The following ZFPM2 variants were observed in gnomAD, a reference collection of about 807,000 sequenced individuals.
The protein encoded by ZFPM2 is zinc finger protein, FOG family member 2, also known as zinc finger protein ZFPM2.
ZFPM2 carries 20 observed loss-of-function variants against 98.6 expected under a neutral mutation model. That is an observed-to-expected ratio of 0.20 (90% CI 0.14 to 0.29). ZFPM2 has a LOEUF of 0.29. ZFPM2 is among the 10% of genes least tolerant of loss of function. The pLI is 1.00. For missense variants in ZFPM2, 1,310 were observed against 1,388.6 expected (o/e 0.94, Z 0.90); for synonymous variants, 518 against 502.7 (o/e 1.03, Z -0.41).
chr8:105,561,328 A>T, intron 3 of ZFPM2, 35 bp from the exon 4 acceptor site: 1 of 1,533,024 alleles, frequency 6.5e-7, no homozygotes, highest in Non-Finnish European at 9.0e-7. Flanking sequence ...AAGTACAAGT[A>T]AGTATTCTAA....
At position 105,489,326 on chromosome 8, in the gene ZFPM2, C is replaced by T. The variant is rs191999604; in HGVS notation, c.301+44945C>T. The stretch of plus-strand genomic sequence containing the variant: ...TTTACCATTCATTATGACAAGAACA[C>T]GTTTCATGTATATGTAAAACGTTAT... On this transcript the variant is annotated intron_variant, in intron 3 of 7. Transcript: ENST00000407775. Among the ~76,000 whole-genome samples the T allele has an allele frequency of 1.8e-4, 26 of 148,044 alleles. No homozygotes were observed. The East Asian group carries it at 4.3e-3, about 24-fold the overall frequency.
intron 1 of ZFPM2, among the ~76,000 whole-genome samples, chr8:105,384,426 GT>G (rs1364301550): frequency 1.3e-5 from 2 of 151,988 alleles, no homozygotes; most frequent in Non-Finnish European, 2.9e-5. Flanking sequence ...ATCCCAGGAG[GT>G]GGATTATCCA....
intron 5 of ZFPM2, among the ~76,000 whole-genome samples, chr8:105,753,623 C>CA (rs914296933): frequency 6.6e-6 from 1 of 151,430 alleles, no homozygotes; most frequent in Non-Finnish European, 1.5e-5. Context: ...TACATGTAAC[C>CA]AAAAAAAAGT....
intron 5 of ZFPM2, among the ~76,000 whole-genome samples, chr8:105,635,487 G>A (rs1483133824): frequency 4.6e-5 from 7 of 151,942 alleles, no homozygotes; most frequent in Admixed American, 1.3e-4. Flanking sequence ...TGCACACCAG[G>A]ATCTGATTAT....
intron 5 of ZFPM2, among the ~76,000 whole-genome samples, chr8:105,680,246 A>C (rs373641016): frequency 6.0e-4 from 91 of 152,276 alleles, no homozygotes; most frequent in Middle Eastern, 3.4e-3. Flanking sequence ...TTTGGGTAAC[A>C]AATGTTCTTA....
intron 5 of ZFPM2, among the ~76,000 whole-genome samples, chr8:105,777,809 A>G (rs1050099920): frequency 1.3e-5 from 2 of 152,198 alleles, no homozygotes; most frequent in South Asian, 2.1e-4. Flanking sequence ...AGATCTATCT[A>G]ACAACTATGA....
intron 3 of ZFPM2, among the ~76,000 whole-genome samples, chr8:105,446,211 T>C (rs1190366877): frequency 1.3e-5 from 2 of 152,176 alleles, no homozygotes; most frequent in Admixed American, 6.5e-5. Context: ...TGAGCTACCG[T>C]GCCCGGCGAT....
chr8:105,654,157 C>T (rs1277956501), intron 5 of ZFPM2, among the ~76,000 whole-genome samples: 1 of 151,434 alleles, frequency 6.6e-6, no homozygotes, highest in Non-Finnish European at 1.5e-5. Flanking sequence ...ACCCCTGGAA[C>T]TCTCAGGAGG....
intron 1 of ZFPM2, among the ~76,000 whole-genome samples, chr8:105,375,707 A>G (rs145482175): frequency 2.6e-5 from 4 of 152,288 alleles, no homozygotes; most frequent in African/African-American, 7.2e-5. Flanking sequence ...TATATCATTT[A>G]TCAGTGTCTT....
At chr8:105,796,164 T>A (rs763314132) in intron 6 of ZFPM2, among the ~76,000 whole-genome samples, 4 of 152,352 alleles carry the variant, frequency 2.6e-5, no homozygotes, top group African/African-American at 9.6e-5. Context: ...ACTTATTTTC[T>A]TTCCTGTATC....
chr8:105,445,638 T>A lies in ZFPM2; in HGVS notation c.301+1257T>A, dbSNP rs563027721. On this transcript the variant is annotated intron_variant, in intron 3 of 7. Transcript: ENST00000407775. ...TTTTTTTTTTGAGACAGGGTCTCAC[T>A]CTGTTGCCCAGTCTGGGGTGCAGTG... is the stretch of plus-strand genomic sequence containing the variant. Among the ~76,000 whole-genome samples, 198 of 151,990 alleles carry A rather than the reference T, an allele frequency of 1.3e-3. 2 individuals are homozygous for A. Among genetic ancestry groups the A allele is most frequent in the Admixed American group, 9.9e-3 (151 of 15,262 alleles).
intron 1 of ZFPM2, among the ~76,000 whole-genome samples, chr8:105,412,868 G>C (rs957622493): frequency 1.3e-5 from 2 of 151,608 alleles, no homozygotes; most frequent in Non-Finnish European, 2.9e-5. Context: ...GTGCCTACAG[G>C]GTAATGATTC....
At chr8:105,565,566 A>ATAACACAT (rs1563722336) in intron 4 of ZFPM2, among the ~76,000 whole-genome samples, 7 of 152,176 alleles carry the variant, frequency 4.6e-5, no homozygotes, top group Non-Finnish European at 7.3e-5. Context: ...AGGTCAACTC[A>ATAACACAT]GTCTGATTCC....
At chr8:105,391,697 C>G (rs1006157469) in intron 1 of ZFPM2, among the ~76,000 whole-genome samples, 1 of 152,190 alleles carries the variant, frequency 6.6e-6, no homozygotes, top group Non-Finnish European at 1.5e-5. Context: ...GAAACAAATT[C>G]TCATGTGTTA....
chr8:105,415,102 G>A (rs1811655904), intron 1 of ZFPM2: 1 of 152,016 alleles, frequency 6.6e-6, no homozygotes, highest in Non-Finnish European at 1.5e-5. Context: ...GTACACAATT[G>A]CCTCTCTTCT....
intron 1 of ZFPM2, among the ~76,000 whole-genome samples, chr8:105,371,142 G>A (rs1003000524): frequency 1.3e-5 from 2 of 152,064 alleles, no homozygotes; most frequent in Non-Finnish European, 2.9e-5. Context: ...TAATACTTTT[G>A]TTTTAATATT....
rs1812478844 is a variant in ZFPM2, at chr8:105,344,314, C to T, written c.40+25333C>T. Among the ~76,000 whole-genome samples the T allele has an allele frequency of 3.3e-5, 5 of 152,272 alleles. No homozygotes were observed. In the South Asian group the frequency reaches 1.0e-3, roughly 32 times the overall value. ...AAGCTAAACAAGCTGTCAGAACTCT[C>T]AAAGCCTTGGGAGGGGCTCAAGCAG... On this transcript the variant is annotated intron_variant, in intron 1 of 7. Transcript: ENST00000407775.
intron 6 of ZFPM2, 172 bp downstream of exon 6, chr8:105,789,096 T>A: frequency 1.7e-6 from 1 of 591,004 alleles, no homozygotes. Context: ...TTACTTTTTT[T>A]TTTTATACTT....
At chr8:105,568,668 C>T (rs1225132351) in intron 4 of ZFPM2, among the ~76,000 whole-genome samples, 2 of 152,090 alleles carry the variant, frequency 1.3e-5, no homozygotes, top group Admixed American at 1.3e-4. Context: ...TTCTTCTGTT[C>T]TCTCTTGTCA....
Sources: allele counts gnomAD v4.1 joint callset (sites outside exome capture counted in the v4.1 genomes callset), GRCh38; gene constraint gnomAD v4.1.1; transcripts MANE v1.5; gene names NCBI Gene and HGNC (gene_info 2026-07-23, HGNC 2026-07-21).